Variants in CWC22 observed in about 807,000 individuals in gnomAD.
CWC22 encodes CWC22 spliceosome associated protein.
In CWC22, 53 loss-of-function variants were observed where a neutral mutation model predicts 117.2. The ratio of observed to expected loss-of-function variants is 0.45; its 90% confidence interval spans 0.36 to 0.57. The LOEUF is 0.57. Ranked by LOEUF, CWC22 falls within the 20% of genes least tolerant of loss-of-function variation. CWC22 has a pLI of 0.00. For synonymous variants in CWC22, 360 were observed against 355.6 expected, an observed-to-expected ratio of 1.01 and a Z score of -0.14; for missense variants, 980 against 1,068.8, an observed-to-expected ratio of 0.92 and a Z score of 1.16.
chr2:179,959,988 C>T (rs1057450923), intron 13 of CWC22, among the ~76,000 whole-genome samples: 2 of 151,984 alleles, frequency 1.3e-5, no homozygotes, highest in Non-Finnish European at 2.9e-5. Flanking sequence ...CATAACTAAT[C>T]AGATAAAAGG....
chr2:179,986,155 C>T (rs1323642309), intron 4 of CWC22, among the ~76,000 whole-genome samples: 2 of 152,068 alleles, frequency 1.3e-5, no homozygotes, highest in South Asian at 4.1e-4. Context: ...GGAAATATTG[C>T]AAGTCTTGTT....
intron 13 of CWC22, among the ~76,000 whole-genome samples, chr2:179,963,607 G>A (rs907631592): frequency 2.6e-4 from 39 of 151,918 alleles, no homozygotes; most frequent in African/African-American, 9.2e-4. Flanking sequence ...CTCCCAAAGT[G>A]CTGGGATTAC....
intron 5 of CWC22, among the ~76,000 whole-genome samples, chr2:179,979,081 T>G (rs910217920): frequency 7.9e-5 from 12 of 152,234 alleles, no homozygotes; most frequent in African/African-American, 2.9e-4. Context: ...CTGTGGAATC[T>G]GATTTCAGCT....
At chr2:179,950,185 T>C (rs1279551196) in intron 19 of CWC22, among the ~76,000 whole-genome samples, 1 of 152,198 alleles carries the variant, frequency 6.6e-6, no homozygotes, top group Non-Finnish European at 1.5e-5. Context: ...AACTAAAATT[T>C]ATTTAAAATA....
At chr2:179,967,593 T>C (rs1686925209) in intron 11 of CWC22, among the ~76,000 whole-genome samples, 1 of 152,238 alleles carries the variant, frequency 6.6e-6, no homozygotes, top group Non-Finnish European at 1.5e-5. Context: ...GTAATCAATG[T>C]ATTCTTTACT....
intron 12 of CWC22, among the ~76,000 whole-genome samples, chr2:179,965,189 A>C (rs542673697): frequency 6.6e-6 from 1 of 152,246 alleles, no homozygotes; most frequent in South Asian, 2.1e-4. Flanking sequence ...GAAAAAATTA[A>C]ATCTATTTTT....
intron 5 of CWC22, 114 bp from the exon 6 acceptor site, chr2:179,978,432 A>C (rs1687205173): frequency 1.8e-6 from 2 of 1,125,162 alleles, no homozygotes; most frequent in East Asian, 3.1e-5. Context: ...TCATGAAACG[A>C]CCCCCAAGTA....
rs151018198 is a variant in CWC22 at position 179,946,233 on chromosome 2, T to C, written c.2141-518A>G. 5.8e-3 allele frequency among the ~76,000 whole-genome samples: 883 copies of C among 151,960 alleles called. 12 individuals carry two copies. The highest frequency in any genetic ancestry group is 0.02 in the Middle Eastern group (6 of 294). On this transcript the variant is annotated intron_variant, in intron 19 of 19. Transcript: ENST00000410053. Reference sequence around the variant, plus strand: ...CAGAGGGGGTGGGGGACAGATTGCTTGCGCCCAGAAGTTGGAGACCAGCCT... The same window carrying C: ...CAGAGGGGGTGGGGGACAGATTGCTCGCGCCCAGAAGTTGGAGACCAGCCT...
intron 4 of CWC22, among the ~76,000 whole-genome samples, chr2:179,984,496 T>C (rs4893887): frequency 0.15 from 22,212 of 151,948 alleles, 2,002 homozygotes; most frequent in Admixed American, 0.29. Flanking sequence ...TATCAAAGGA[T>C]GTGCTTAGCT....
Position 179,981,844 on chromosome 2 carries a change from A to G in CWC22, c.360T>C (p.Asp120=), listed in dbSNP as rs1294674069. ...QDEPATKKKK[D]ELDPLLTRTG... is the part of the protein sequence containing the mutation. ...TGCGAGTAAGAAGAGGATCCAGCTCATCTTTCTTTTTCTTTGTAGCAGGTT... is the reference window on the plus strand; with the variant it reads ...TGCGAGTAAGAAGAGGATCCAGCTCGTCTTTCTTTTTCTTTGTAGCAGGTT... Residue 120 remains aspartate, a synonymous_variant, in exon 5 of 20, where the codon GAT becomes GAC. Transcript: ENST00000410053. 1 of 1,613,634 alleles carries G rather than the reference A, an allele frequency of 6.2e-7. No individual in the cohort carries two copies. The highest frequency in any genetic ancestry group is 8.5e-7 in the Non-Finnish European group (1 of 1,179,642).
intron 1 of CWC22, among the ~76,000 whole-genome samples, chr2:180,006,248 C>T (rs1356381253): frequency 6.6e-6 from 1 of 152,210 alleles, no homozygotes. Context: ...ATCCTGCCTT[C>T]TCCACTTACC....
chr2:180,001,484 A>G (rs2105565955), intron 1 of CWC22, among the ~76,000 whole-genome samples: 1 of 152,236 alleles, frequency 6.6e-6, no homozygotes, highest in South Asian at 2.1e-4. Context: ...GCGCACCACC[A>G]TGCCCAGCTA....
At chr2:179,967,746 C>CAT (rs141766556) in intron 11 of CWC22, among the ~76,000 whole-genome samples, 92,877 of 151,804 alleles carry the variant, frequency 0.61, 29,438 homozygotes, top group Middle Eastern at 0.71. Flanking sequence ...CTGTTAAAGA[C>CAT]ATATATACAA....
chr2:179,967,567 G>A (rs1397967130), intron 11 of CWC22, among the ~76,000 whole-genome samples: 1 of 152,132 alleles, frequency 6.6e-6, no homozygotes, highest in Non-Finnish European at 1.5e-5. Flanking sequence ...ACTAAACAAG[G>A]CATCAAACTT....
chr2:179,997,951 C>T (rs1687748917), intron 1 of CWC22, among the ~76,000 whole-genome samples: 1 of 152,120 alleles, frequency 6.6e-6, no homozygotes, highest in South Asian at 2.1e-4. Context: ...CTATATTAAA[C>T]ACAACTTGAA....
At chr2:179,960,657 G>C (rs1238355976) in intron 13 of CWC22, among the ~76,000 whole-genome samples, 7 of 151,966 alleles carry the variant, frequency 4.6e-5, no homozygotes, top group Non-Finnish European at 1.0e-4. Context: ...AGAAAAATGA[G>C]ACTTAGGTAT....
At chr2:179,948,360 A>C (rs898169052) in intron 19 of CWC22, among the ~76,000 whole-genome samples, 1 of 149,442 alleles carries the variant, frequency 6.7e-6, no homozygotes, top group Non-Finnish European at 1.5e-5. Flanking sequence ...TACTAGATGT[A>C]GAAGAAAACA....
chr2:179,990,027 G>C (rs888768603), intron 2 of CWC22, among the ~76,000 whole-genome samples: 5 of 152,114 alleles, frequency 3.3e-5, no homozygotes, highest in African/African-American at 1.2e-4. Context: ...ACAGCAGTTT[G>C]AGTCTAACAT....
At chr2:179,949,831 CTGAAT>C (rs1686401364) in intron 19 of CWC22, among the ~76,000 whole-genome samples, 1 of 152,114 alleles carries the variant, frequency 6.6e-6, no homozygotes, top group Non-Finnish European at 1.5e-5. Flanking sequence ...AGCAATATTA[CTGAAT>C]TAACTATAAC....
Sources: allele counts gnomAD v4.1 joint callset (sites outside exome capture counted in the v4.1 genomes callset), GRCh38; gene constraint gnomAD v4.1.1; transcripts MANE v1.5; gene names NCBI Gene and HGNC (gene_info 2026-07-23, HGNC 2026-07-21).